Variants in CLSTN2 observed in about 807,000 individuals in gnomAD.
The protein encoded by CLSTN2 is calsyntenin 2, also known as calsyntenin-2.
CLSTN2 carries 48 observed loss-of-function variants against 101.2 expected under a neutral mutation model. The ratio of observed to expected loss-of-function variants is 0.47; its 90% CI spans 0.38 to 0.60. The LOEUF (loss-of-function observed/expected upper bound fraction) is 0.60. Among genes scored for constraint, CLSTN2 ranks in the 20% least tolerant of loss-of-function variants. The pLI, the probability that CLSTN2 is intolerant of heterozygous loss-of-function variation, is 0.00. For synonymous variants in CLSTN2, 481 were observed against 463.6 expected, an observed-to-expected ratio of 1.04 and a Z score of -0.48; for missense variants, 1,160 against 1,238.2, an observed-to-expected ratio of 0.94 and a Z score of 0.95.
intron 1 of CLSTN2, among the ~76,000 whole-genome samples, chr3:140,165,859 A>T (rs1025906061): frequency 5.3e-5 from 8 of 152,130 alleles, no homozygotes; most frequent in African/African-American, 1.9e-4. Context: ...AACTAGCACA[A>T]TTTTTCTTTT....
At chr3:140,415,818 C>T (rs1226149323) in intron 4 of CLSTN2, among the ~76,000 whole-genome samples, 2 of 152,142 alleles carry the variant, frequency 1.3e-5, no homozygotes, top group Non-Finnish European at 2.9e-5. Flanking sequence ...ATGAATAGAA[C>T]TACCATAGGT....
At chr3:140,437,646 C>A (rs2088702026) in intron 5 of CLSTN2, among the ~76,000 whole-genome samples, 1 of 152,158 alleles carries the variant, frequency 6.6e-6, no homozygotes, top group Admixed American at 6.5e-5. Context: ...TCTGGCTGCC[C>A]AGGTGGGCAC....
intron 2 of CLSTN2, among the ~76,000 whole-genome samples, chr3:140,240,880 A>C (rs1226432672): frequency 1.3e-5 from 2 of 152,130 alleles, no homozygotes; most frequent in African/African-American, 4.8e-5. Context: ...TCCCCTCTCC[A>C]TGAGAGAACC....
chr3:140,322,897 T>C (rs1455986549), intron 2 of CLSTN2, among the ~76,000 whole-genome samples: 1 of 152,210 alleles, frequency 6.6e-6, no homozygotes, highest in African/African-American at 2.4e-5. Context: ...ATCATGTACA[T>C]TATCTGAATT....
At chr3:140,000,281 C>T (rs2006800675) in intron 1 of CLSTN2, among the ~76,000 whole-genome samples, 1 of 152,138 alleles carries the variant, frequency 6.6e-6, no homozygotes, top group Non-Finnish European at 1.5e-5. Context: ...TGACAGAGAA[C>T]CTTGTTAGCT....
At chr3:140,456,960 C>G (rs1387931878) in intron 6 of CLSTN2, among the ~76,000 whole-genome samples, 3 of 152,114 alleles carry the variant, frequency 2.0e-5, no homozygotes, top group Non-Finnish European at 4.4e-5. Context: ...TGCTGTGTAC[C>G]TCTCTATATA....
intron 8 of CLSTN2, among the ~76,000 whole-genome samples, chr3:140,517,505 G>C (rs1934942683): frequency 6.6e-6 from 1 of 152,126 alleles, no homozygotes; most frequent in Non-Finnish European, 1.5e-5. Context: ...TTGTCCCAAG[G>C]GGTACTTCCT....
chr3:140,378,366 A>T (rs1478828512), intron 2 of CLSTN2, among the ~76,000 whole-genome samples: 1 of 152,244 alleles, frequency 6.6e-6, no homozygotes, highest in Admixed American at 6.5e-5. Flanking sequence ...GAGTAAGGGA[A>T]CTAATATCTA....
At chr3:140,166,896 T>A (rs963266819) in intron 1 of CLSTN2, among the ~76,000 whole-genome samples, 1 of 152,204 alleles carries the variant, frequency 6.6e-6, no homozygotes, top group Non-Finnish European at 1.5e-5. Flanking sequence ...TATTATCTTG[T>A]CAAGAACTGA....
At chr3:139,982,228 A>C (rs1438697306) in intron 1 of CLSTN2, among the ~76,000 whole-genome samples, 1 of 152,088 alleles carries the variant, frequency 6.6e-6, no homozygotes, top group East Asian at 1.9e-4. Flanking sequence ...TATTATTATT[A>C]ATATAATTTT....
chr3:140,392,000 A>G (rs913687670), intron 2 of CLSTN2, among the ~76,000 whole-genome samples: 13 of 152,092 alleles, frequency 8.5e-5, no homozygotes, highest in Non-Finnish European at 1.3e-4. Flanking sequence ...AAGAGGGAAC[A>G]TTATCCTAAA....
intron 1 of CLSTN2, among the ~76,000 whole-genome samples, chr3:140,158,396 A>G (rs2009990337): frequency 3.3e-5 from 5 of 149,650 alleles, no homozygotes; most frequent in Admixed American, 6.6e-5. Flanking sequence ...ATTTCCATAT[A>G]CCAATAACAT....
intron 6 of CLSTN2, 116 bp downstream of exon 6, chr3:140,448,820 T>G: frequency 1.1e-6 from 1 of 893,252 alleles, no homozygotes; most frequent in Non-Finnish European, 1.7e-6. Context: ...CACTGATATG[T>G]GTAACTCCTG....
chr3:140,398,115 T>A (rs2088203358), intron 2 of CLSTN2, among the ~76,000 whole-genome samples: 1 of 152,140 alleles, frequency 6.6e-6, no homozygotes, highest in Admixed American at 6.5e-5. Context: ...ACATAGTTCA[T>A]CTGTCAATCA....
At chr3:140,312,564 A>G (rs2087180752) in intron 2 of CLSTN2, among the ~76,000 whole-genome samples, 1 of 152,374 alleles carries the variant, frequency 6.6e-6, no homozygotes, top group East Asian at 1.9e-4. Flanking sequence ...AGCATGCAAG[A>G]AAGTCTACGC....
intron 2 of CLSTN2, among the ~76,000 whole-genome samples, chr3:140,326,213 C>G (rs2087330968): frequency 6.6e-6 from 1 of 152,142 alleles, no homozygotes; most frequent in Non-Finnish European, 1.5e-5. Flanking sequence ...TTAAGTTTCC[C>G]CAAACCATAC....
chr3:140,009,374 A>G (rs1011587557), intron 1 of CLSTN2, among the ~76,000 whole-genome samples: 3 of 152,240 alleles, frequency 2.0e-5, no homozygotes, highest in African/African-American at 7.2e-5. Flanking sequence ...GATAGTTCAG[A>G]TAAACAAATT....
chr3:140,544,452 C>A (rs1439275993), intron 9 of CLSTN2, among the ~76,000 whole-genome samples: 1 of 152,128 alleles, frequency 6.6e-6, no homozygotes, highest in Non-Finnish European at 1.5e-5. Context: ...GGTTCTTAAC[C>A]TTGACTTCAC....
intron 2 of CLSTN2, among the ~76,000 whole-genome samples, chr3:140,216,809 A>T (rs548687189): frequency 6.6e-6 from 1 of 152,238 alleles, no homozygotes; most frequent in African/African-American, 2.4e-5. Flanking sequence ...TAGGAAGAAT[A>T]TACTCAGACA....
Sources: allele counts gnomAD v4.1 joint callset (sites outside exome capture counted in the v4.1 genomes callset), GRCh38; gene constraint gnomAD v4.1.1; transcripts MANE v1.5; gene names NCBI Gene and HGNC (gene_info 2026-07-23, HGNC 2026-07-21).